The following C7 variants were observed in gnomAD, a reference collection of about 807,000 sequenced individuals.
The protein encoded by C7 is complement C7, also known as complement component C7.
A neutral mutation model predicts 104.8 loss-of-function variants in C7; 83 were observed. The ratio of observed to expected loss-of-function variants is 0.79; its 90% CI spans 0.66 to 0.95. The LOEUF is 0.95. Among genes scored for constraint, C7 ranks in the 40% least tolerant of loss-of-function variants. C7 has a pLI of 0.00. For missense variants in C7, 1,070 were observed against 1,011.2 expected (o/e 1.06, Z -0.79); for synonymous variants, 415 against 360.6 (o/e 1.15, Z -1.71).
At chr5:40,962,839 T>C (rs781637730) in intron 13 of C7, among the ~76,000 whole-genome samples, 8 of 152,228 alleles carry the variant, frequency 5.3e-5, no homozygotes, top group Non-Finnish European at 1.0e-4. Context: ...CTCTCCATGT[T>C]ACCAGCACTG....
In C7 at chr5:40,952,072, T is replaced by C. The variant is rs541965326; in HGVS notation, c.1093+2058T>C. 5.9e-5 allele frequency among the ~76,000 whole-genome samples: 9 copies of C among 152,366 alleles called. No individual in the cohort carries two copies. The South Asian group carries it at 1.0e-3, about 18-fold the overall frequency. ...AATGGAAGTGAGAGCTTTGAGAAGA[T>C]GTTGACATCAGTCTTCAGTTGGGCT... is the stretch of plus-strand genomic sequence containing the variant. On this transcript the variant is annotated intron_variant, in intron 9 of 17. Transcript: ENST00000313164.
intron 1 of C7, among the ~76,000 whole-genome samples, chr5:40,911,840 G>A (rs977480325): frequency 1.3e-5 from 2 of 151,210 alleles, no homozygotes; most frequent in Middle Eastern, 3.4e-3. Flanking sequence ...CTGGGTTCAA[G>A]CGATTCTTCT....
At chr5:40,914,447 T>C (rs1296788145) in intron 1 of C7, among the ~76,000 whole-genome samples, 2 of 152,208 alleles carry the variant, frequency 1.3e-5, no homozygotes, top group African/African-American at 4.8e-5. Context: ...TCTTTTGTTG[T>C]AGAGAAGCTT....
rs201960229 is a variant in C7 at position 40,962,068 on chromosome 5, A to AT, written c.1662-9dup. 924 of 1,429,300 alleles carry AT rather than the reference A, an allele frequency of 6.5e-4. 4 individuals carry two copies. In the African/African-American group the frequency reaches 0.01, roughly 16 times the overall value. 88.5% of individuals were successfully genotyped at this position (1,429,300 alleles called of 1,614,324 possible). On this transcript the variant is annotated splice_polypyrimidine_tract_variant and intron_variant, in intron 12 of 17. Coordinates refer to ENST00000313164, the MANE Select transcript of C7 (RefSeq NM_000587.4). The stretch of plus-strand genomic sequence containing the variant: ...TGTGCAAATCAATCACATTAATTAC[A>AT]TTTTTTTTCCTTCCAGGTTGCTTGA...
intron 14 of C7, among the ~76,000 whole-genome samples, chr5:40,967,191 G>C (rs911666418): frequency 1.3e-5 from 2 of 151,520 alleles, no homozygotes; most frequent in Non-Finnish European, 2.9e-5. Flanking sequence ...TCAGCCTCCT[G>C]AGTAGCTGGG....
At chr5:40,961,163 G>A (rs899083754) in intron 12 of C7, among the ~76,000 whole-genome samples, 3 of 152,152 alleles carry the variant, frequency 2.0e-5, no homozygotes, top group Non-Finnish European at 4.4e-5. Context: ...TTGACTATAC[G>A]TAAATCCAGC....
intron 14 of C7, among the ~76,000 whole-genome samples, chr5:40,968,568 TTA>T (rs1240185830): frequency 4.1e-3 from 261 of 63,694 alleles, no homozygotes; most frequent in African/African-American, 0.01. Context: ...TATATATATT[TTA>T]TATATATATA....
At chr5:40,969,139 T>C (rs1740634731) in intron 14 of C7, among the ~76,000 whole-genome samples, 1 of 152,072 alleles carries the variant, frequency 6.6e-6, no homozygotes, top group Non-Finnish European at 1.5e-5. Flanking sequence ...TCTTACATTA[T>C]TATATTTAAA....
At chr5:40,952,477 T>TA (rs1370097481) in intron 9 of C7, among the ~76,000 whole-genome samples, 5 of 146,636 alleles carry the variant, frequency 3.4e-5, no homozygotes, top group African/African-American at 7.4e-5. Context: ...TCTGTAATTC[T>TA]TTTTATTTAT....
chr5:40,921,995 G>A (rs561452329), intron 1 of C7, among the ~76,000 whole-genome samples: 1 of 152,030 alleles, frequency 6.6e-6, no homozygotes, highest in African/African-American at 2.4e-5. Context: ...CTAAGAACAT[G>A]CCATTGCACT....
chr5:40,965,626 T>C (rs1028986482), intron 14 of C7, among the ~76,000 whole-genome samples: 8 of 117,466 alleles, frequency 6.8e-5, no homozygotes. Flanking sequence ...GAGTGTATAG[T>C]GATATATATA....
intron 14 of C7, among the ~76,000 whole-genome samples, chr5:40,966,073 C>G (rs1041566934): frequency 5.9e-5 from 9 of 151,838 alleles, no homozygotes; most frequent in African/African-American, 2.2e-4. Context: ...GTTTGTCTGT[C>G]TTTTTCTTAT....
chr5:40,932,715 T>TAA (rs1300249467), intron 3 of C7, among the ~76,000 whole-genome samples: 1 of 152,190 alleles, frequency 6.6e-6, no homozygotes, highest in Non-Finnish European at 1.5e-5. Context: ...TCAAACACGT[T>TAA]AAATATTTTT....
chr5:40,955,059 G>T, intron 9 of C7: 1 of 279,036 alleles, frequency 3.6e-6, no homozygotes, highest in Non-Finnish European at 6.8e-6. Context: ...TAACAGAGTG[G>T]AACATTTGTT....
intron 14 of C7, among the ~76,000 whole-genome samples, chr5:40,968,596 ATATATTTTTT>A (rs1740620258): frequency 4.3e-5 from 1 of 23,420 alleles, no homozygotes; most frequent in Non-Finnish European, 7.5e-5. Flanking sequence ...ATATATATAT[ATATATTTTTT>A]TTTTTTTTTT....
In C7 at chr5:40,945,215, T is replaced by C. The variant is rs1740019441; in HGVS notation, c.585T>C (p.Asp195=). The part of the protein sequence containing the change: ...SYTFQVKINN[D]FNYEFYNSTW... ...CTTTGTAGGTGAAAATAAATAATGA[T>C]TTTAATTATGAATTTTACAATAGTA... Residue 195 remains aspartate (D), a synonymous_variant, in exon 7 of 18, where the codon GAT becomes GAC. Transcript: ENST00000313164. 1 of 1,495,084 alleles carries C rather than the reference T, an allele frequency of 6.7e-7. No individual in the cohort carries two copies. The highest frequency in any genetic ancestry group is 9.0e-7 in the Non-Finnish European group (1 of 1,111,014). The allele number at this position is 1,495,084 out of a possible 1,614,324, so 92.6% of individuals were successfully genotyped here.
intron 6 of C7, among the ~76,000 whole-genome samples, chr5:40,941,788 G>A (rs1040043604): frequency 2.6e-5 from 4 of 152,316 alleles, no homozygotes; most frequent in Admixed American, 1.3e-4. Flanking sequence ...GCAGGGAGAA[G>A]ACAAATCCAG....
chr5:40,959,046 T>C (rs946781624), intron 11 of C7, among the ~76,000 whole-genome samples: 3 of 152,210 alleles, frequency 2.0e-5, no homozygotes, highest in African/African-American at 7.2e-5. Context: ...CGACTGTGAT[T>C]CATTCCTTTG....
rs375385772 is a variant in C7 at position 40,945,263 on chromosome 5, G to A, written c.633G>A (p.Thr211=). 79 of 1,582,068 alleles carry A rather than the reference G, an allele frequency of 5.0e-5. No homozygotes were observed. In the African/African-American group the frequency reaches 7.4e-4, roughly 15 times the overall value. The change falls in exon 7 of 18, where the codon ACG becomes ACA. Residue 211 remains threonine, a synonymous_variant. Transcript: ENST00000313164. ...GTACTTGGTCTTATGTAAAACATAC[G>A]TCGACAGAACACACATCATCTAGTC... is the stretch of plus-strand genomic sequence containing the variant. ...YNSTWSYVKH[T]STEHTSSSRK...
Sources: allele counts gnomAD v4.1 joint callset (sites outside exome capture counted in the v4.1 genomes callset), GRCh38; gene constraint gnomAD v4.1.1; transcripts MANE v1.5; gene names NCBI Gene and HGNC (gene_info 2026-07-23, HGNC 2026-07-21).